Variants in SRPK2 observed in about 807,000 individuals in gnomAD.
SRPK2 encodes the protein SFRS protein kinase 2.
In SRPK2, 21 loss-of-function variants were observed where a neutral mutation model predicts 90.8. The observed-to-expected ratio is 0.23, with a 90% confidence interval of 0.16 to 0.33. The LOEUF (loss-of-function observed/expected upper bound fraction) is 0.33. Ranked by LOEUF, SRPK2 falls within the 10% of genes least tolerant of loss-of-function variation. SRPK2 has a pLI of 1.00. For synonymous variants in SRPK2, 288 were observed against 311.1 expected (o/e 0.93, Z 0.78); for missense variants, 620 against 869.0 (o/e 0.71, Z 3.60).
Position 105,117,211 on chromosome 7 carries a change from T to C in SRPK2, c.*627A>G, listed in dbSNP as rs1799716711. On this transcript the variant is annotated 3_prime_UTR_variant, in exon 16 of 16. Transcript: ENST00000393651. ...TTAAAATCCAATGTGAAAAGACTGT[T>C]ATGGAATGAAAAGTTTGCACAACTC... The C allele has an allele frequency of 6.6e-6, 1 of 152,428 alleles. No homozygotes were observed. The highest frequency in any genetic ancestry group is 2.4e-5 in the African/African-American group (1 of 41,452). 9.4% of individuals were successfully genotyped at this position (152,428 alleles called of 1,614,324 possible). A position where few individuals can be genotyped will look rare whatever the true frequency, so the allele number is the denominator to read the frequency against.
intron 2 of SRPK2, among the ~76,000 whole-genome samples, chr7:105,286,852 C>T (rs1317564023): frequency 6.6e-6 from 1 of 152,210 alleles, no homozygotes; most frequent in African/African-American, 2.4e-5. Context: ...GACATTTACA[C>T]GTGGCCTAGG....
chr7:105,237,423 GAGA>G (rs1448787905), intron 2 of SRPK2, among the ~76,000 whole-genome samples: 1 of 152,092 alleles, frequency 6.6e-6, no homozygotes, highest in Non-Finnish European at 1.5e-5. Context: ...TAATTCCTAG[GAGA>G]AGAATGTGCA....
intron 2 of SRPK2, among the ~76,000 whole-genome samples, chr7:105,225,971 C>T (rs1447668161): frequency 1.3e-5 from 2 of 152,110 alleles, no homozygotes; most frequent in Non-Finnish European, 1.5e-5. Context: ...GCAGACTGGA[C>T]AGAAAAATCA....
intron 2 of SRPK2, among the ~76,000 whole-genome samples, chr7:105,308,526 T>C (rs1811376758): frequency 6.6e-6 from 1 of 152,198 alleles, no homozygotes; most frequent in Non-Finnish European, 1.5e-5. Context: ...TGGACTTTAA[T>C]ATAACCTTCA....
chr7:105,213,522 A>G (rs1448785598), intron 2 of SRPK2, among the ~76,000 whole-genome samples: 1 of 121,182 alleles, frequency 8.3e-6, no homozygotes, highest in Non-Finnish European at 2.1e-5. Flanking sequence ...AAAGTTAAAC[A>G]AGCCACCAAC....
chr7:105,258,173 C>A (rs1314156666), intron 2 of SRPK2, among the ~76,000 whole-genome samples: 1 of 151,396 alleles, frequency 6.6e-6, no homozygotes, highest in Non-Finnish European at 1.5e-5. Flanking sequence ...AATCCCAGCA[C>A]TTCGGGAGGC....
intron 2 of SRPK2, among the ~76,000 whole-genome samples, chr7:105,383,515 G>C (rs1821198766): frequency 6.6e-6 from 1 of 151,536 alleles, no homozygotes; most frequent in South Asian, 2.1e-4. Context: ...CCGTCTCCCA[G>C]GTTCAAGCAA....
At chr7:105,287,347 A>G (rs1484882507) in intron 2 of SRPK2, among the ~76,000 whole-genome samples, 2 of 151,822 alleles carry the variant, frequency 1.3e-5, no homozygotes, top group African/African-American at 2.4e-5. Flanking sequence ...AACTCTCACA[A>G]AGTAGCTTGT....
chr7:105,249,779 C>G (rs373324995), intron 2 of SRPK2, among the ~76,000 whole-genome samples: 10 of 152,096 alleles, frequency 6.6e-5, no homozygotes, highest in East Asian at 1.9e-4. Context: ...TTTTGAATAG[C>G]AAATAAAAAA....
At chr7:105,186,894 G>T (rs1269305276) in intron 3 of SRPK2, among the ~76,000 whole-genome samples, 1 of 152,130 alleles carries the variant, frequency 6.6e-6, no homozygotes, top group African/African-American at 2.4e-5. Context: ...GCATGGATAG[G>T]TGCTCCATAA....
chr7:105,144,979 G>C (rs1486935795), intron 9 of SRPK2, among the ~76,000 whole-genome samples: 4 of 152,008 alleles, frequency 2.6e-5, no homozygotes, highest in Non-Finnish European at 5.9e-5. Context: ...GGTGGCAGGT[G>C]CCTGTAATCC....
chr7:105,331,323 A>AAAAAAAC (rs1563248561), intron 2 of SRPK2, among the ~76,000 whole-genome samples: 11 of 131,734 alleles, frequency 8.4e-5, no homozygotes, highest in Non-Finnish European at 1.2e-4. Context: ...AAAAAAAAAA[A>AAAAAAAC]AAAAAAAAAA....
At chr7:105,287,924 C>T (rs1052645629) in intron 2 of SRPK2, among the ~76,000 whole-genome samples, 1 of 152,122 alleles carries the variant, frequency 6.6e-6, no homozygotes, top group Non-Finnish European at 1.5e-5. Context: ...ATTTAAAATA[C>T]ATGCCTTTTG....
At chr7:105,372,136 TAAAAAA>T (rs55928342) in intron 2 of SRPK2, among the ~76,000 whole-genome samples, 16 of 76,772 alleles carry the variant, frequency 2.1e-4, no homozygotes, top group African/African-American at 7.9e-4. Flanking sequence ...CTCCAACTCA[TAAAAAA>T]AAAAAAAAAA....
At chr7:105,368,661 G>C (rs573035744) in intron 2 of SRPK2, among the ~76,000 whole-genome samples, 2 of 152,160 alleles carry the variant, frequency 1.3e-5, no homozygotes, top group East Asian at 3.9e-4. Context: ...AGGGTTGGTG[G>C]ATCACTTGAG....
chr7:105,299,823 G>A (rs1049856666), intron 2 of SRPK2, among the ~76,000 whole-genome samples: 38 of 152,230 alleles, frequency 2.5e-4, no homozygotes, highest in African/African-American at 8.4e-4. Context: ...GAACCCAGGC[G>A]GCGTAAGTTG....
At chr7:105,327,895 G>A (rs1813775797) in intron 2 of SRPK2, among the ~76,000 whole-genome samples, 1 of 152,214 alleles carries the variant, frequency 6.6e-6, no homozygotes, top group South Asian at 2.1e-4. Context: ...CCACCTCGCA[G>A]GTTCACGCCA....
chr7:105,240,002 T>C (rs1394289720), intron 2 of SRPK2, among the ~76,000 whole-genome samples: 1 of 152,208 alleles, frequency 6.6e-6, no homozygotes, highest in Non-Finnish European at 1.5e-5. Context: ...CTGGATCAAA[T>C]ACACTGGGCA....
chr7:105,143,341 G>T lies in SRPK2; in HGVS notation c.814-11C>A. 1 of 1,607,740 alleles carries T rather than the reference G, an allele frequency of 6.2e-7. No homozygotes were observed. The highest frequency in any genetic ancestry group is 8.5e-7 in the Non-Finnish European group (1 of 1,179,314). On this transcript the variant is annotated splice_polypyrimidine_tract_variant and intron_variant, in intron 9 of 15. Coordinates refer to ENST00000393651, the MANE Select transcript of SRPK2 (RefSeq NM_182692.3). ...AGATATTTTTCCTATCTATGTTAAG[G>T]AAAGACCACAGGTCAGTATTCTTCT...
Sources: allele counts gnomAD v4.1 joint callset (sites outside exome capture counted in the v4.1 genomes callset), GRCh38; gene constraint gnomAD v4.1.1; transcripts MANE v1.5; gene names NCBI Gene and HGNC (gene_info 2026-07-23, HGNC 2026-07-21).